NXPE3: variants seen among roughly 807,000 people sequenced by gnomAD.
NXPE3 encodes NXPE family member 3.
In NXPE3, 26 loss-of-function variants were observed where a neutral mutation model predicts 46.1. The ratio of observed to expected loss-of-function variants is 0.56; its 90% confidence interval spans 0.41 to 0.78. NXPE3 has a LOEUF of 0.78. Ranked by LOEUF, NXPE3 falls within the 30% of genes least tolerant of loss-of-function variation. NXPE3 has a pLI of 0.00. For synonymous variants in NXPE3, 272 were observed against 257.9 expected, an observed-to-expected ratio of 1.05 and a Z score of -0.52; for missense variants, 620 against 686.0, an observed-to-expected ratio of 0.90 and a Z score of 1.07.
At chr3:101,797,333 T>A (rs990035177) in intron 4 of NXPE3, among the ~76,000 whole-genome samples, 1 of 152,158 alleles carries the variant, frequency 6.6e-6, no homozygotes, top group African/African-American at 2.4e-5. Flanking sequence ...AGAACACAGG[T>A]CTTAATTCAG....
Position 101,785,602 on chromosome 3 carries a change from G to T in NXPE3, c.6G>T (p.Trp2Cys). Residue 2 changes from tryptophan (W) to cysteine (C), a missense_variant, in exon 4 of 8, where the codon TGG becomes TGT. This residue lies in a region of NXPE3 where 511 missense variants were observed against 528.6 expected (regional missense o/e 0.97). Transcript: ENST00000273347. M[W>C]TNFFKLRLFC... is the part of the protein sequence containing the mutation. ...GAACAAGACACAGCCAGACAATGTG[G>T]ACCAATTTCTTCAAACTACGGCTTT... The T allele has an allele frequency of 6.2e-7, 1 of 1,613,998 alleles. No individual in the cohort carries two copies. The highest frequency in any genetic ancestry group is 1.1e-5 in the South Asian group (1 of 91,074).
At chr3:101,807,829 G>A (rs1941494223) in intron 6 of NXPE3, among the ~76,000 whole-genome samples, 1 of 152,154 alleles carries the variant, frequency 6.6e-6, no homozygotes, top group African/African-American at 2.4e-5. Context: ...AGCATTTTAT[G>A]TAGAATTTAT....
At chr3:101,785,754 C>A in intron 4 of NXPE3, 65 bp downstream of exon 4, 2 of 1,345,058 alleles carry the variant, frequency 1.5e-6, no homozygotes, top group Non-Finnish European at 2.1e-6. Flanking sequence ...GGCTAACTAG[C>A]CTGGGAAAAC....
intron 4 of NXPE3, among the ~76,000 whole-genome samples, chr3:101,797,830 G>A (rs1940922423): frequency 2.7e-5 from 1 of 37,462 alleles, no homozygotes; most frequent in Admixed American, 3.2e-4. Context: ...ATGATTGTTG[G>A]ACATTTGGGT....
intron 4 of NXPE3, among the ~76,000 whole-genome samples, chr3:101,798,607 T>A (rs57763655): frequency 0.014 from 1,823 of 132,490 alleles, 13 homozygotes; most frequent in African/African-American, 0.024. Context: ...TATATATTTT[T>A]TTTTTTTTTC....
chr3:101,827,239 C>CGAG lies in NXPE3; in HGVS notation c.*5286_*5288dup, dbSNP rs1400838046. 16 of 152,044 alleles carry CGAG rather than the reference C, an allele frequency of 1.1e-4. No homozygotes were observed. The East Asian group carries it at 3.1e-3, about 29-fold the overall frequency. 9.4% of individuals were successfully genotyped at this position (152,044 alleles called of 1,614,324 possible). On this transcript the variant is annotated 3_prime_UTR_variant, in exon 8 of 8. Transcript: ENST00000273347. Reference sequence around the variant, plus strand: ...AAGATAACTTAAAAAAAAGTAGTACCGAGATTACAGCAGCTAGTGTCCTAA... The same window carrying CGAG: ...AAGATAACTTAAAAAAAAGTAGTACCGAGGAGATTACAGCAGCTAGTGTCCTAA...
chr3:101,820,954 A>G (rs1471458415), intron 7 of NXPE3, among the ~76,000 whole-genome samples: 1 of 152,174 alleles, frequency 6.6e-6, no homozygotes, highest in Non-Finnish European at 1.5e-5. Flanking sequence ...ATGAAATAAT[A>G]TGTGACACAT....
intron 6 of NXPE3, among the ~76,000 whole-genome samples, chr3:101,807,500 T>G (rs191612658): frequency 2.4e-4 from 37 of 152,072 alleles, no homozygotes; most frequent in Admixed American, 1.4e-3. Context: ...TTGCATTTTT[T>G]TTTTGCAGAG....
intron 4 of NXPE3, among the ~76,000 whole-genome samples, chr3:101,787,309 G>C (rs1192935649): frequency 2.0e-5 from 3 of 151,562 alleles, no homozygotes; most frequent in African/African-American, 7.3e-5. Flanking sequence ...TCCTTTTTTT[G>C]TTTGTTTGTT....
chr3:101,801,297 C>A lies in NXPE3; in HGVS notation c.156C>A (p.Ser52=). Residue 52 remains serine (S), a synonymous_variant, in exon 5 of 8, where the codon TCC becomes TCA. Transcript: ENST00000273347. ...ACAGCAGTGGACAGTTTGTTTCCTCCCAGGTGACAGGAATTAGCCGAAATC... is the reference window on the plus strand; with the variant it reads ...ACAGCAGTGGACAGTTTGTTTCCTCACAGGTGACAGGAATTAGCCGAAATC... ...FIDSSGQFVS[S]QVTGISRNPY... is the part of the protein sequence containing the mutation. 1 of 1,614,132 alleles carries A rather than the reference C, an allele frequency of 6.2e-7. No individual in the cohort carries two copies. The highest frequency in any genetic ancestry group is 8.5e-7 in the Non-Finnish European group (1 of 1,180,012).
At chr3:101,788,637 A>G (rs1391437433) in intron 4 of NXPE3, among the ~76,000 whole-genome samples, 1 of 151,610 alleles carries the variant, frequency 6.6e-6, no homozygotes, top group East Asian at 1.9e-4. Context: ...TTTTTTTGAG[A>G]CGGAGTCTTG....
At chr3:101,816,112 C>T (rs1029585659) in intron 6 of NXPE3, among the ~76,000 whole-genome samples, 5 of 151,188 alleles carry the variant, frequency 3.3e-5, no homozygotes, top group Non-Finnish European at 4.4e-5. Context: ...TGCAGTGAGC[C>T]GAGATTGTGC....
chr3:101,795,434 C>G (rs1940772012), intron 4 of NXPE3, among the ~76,000 whole-genome samples: 1 of 151,236 alleles, frequency 6.6e-6, no homozygotes, highest in Admixed American at 6.6e-5. Context: ...ATGAGAATCA[C>G]TTGAATCTGG....
rs1940130477 is a variant in NXPE3, at chr3:101,785,683, G to T, written c.87G>T (p.Gln29His). ...TGGTGCTGGTCATCAATGTTACTCAGGTAGAGGTGAGTACCCAGTATAATC... is the reference window on the plus strand; with the variant it reads ...TGGTGCTGGTCATCAATGTTACTCATGTAGAGGTGAGTACCCAGTATAATC... ...MVVVLVINVT[Q>H]VEYLDHETVS... Residue 29 changes from glutamine (Q) to histidine (H), a missense_variant, in exon 4 of 8, where the codon CAG (glutamine) becomes CAT (histidine). Transcript: ENST00000273347. 1 of 1,612,054 alleles carries T rather than the reference G, an allele frequency of 6.2e-7. No individual in the cohort carries two copies.
intron 3 of NXPE3, among the ~76,000 whole-genome samples, chr3:101,784,515 C>T (rs984360512): frequency 1.4e-4 from 21 of 152,072 alleles, no homozygotes; most frequent in African/African-American, 5.1e-4. Context: ...GTTGATGCAG[C>T]TGAGTTATTC....
intron 6 of NXPE3, among the ~76,000 whole-genome samples, chr3:101,808,440 G>A (rs1251795415): frequency 6.6e-6 from 1 of 152,074 alleles, no homozygotes; most frequent in Non-Finnish European, 1.5e-5. Context: ...TTAGCCACAA[G>A]CCTTGTATGA....
chr3:101,802,112 A>C, intron 5 of NXPE3, 123 bp downstream of exon 5: 1 of 828,636 alleles, frequency 1.2e-6, no homozygotes, highest in Non-Finnish European at 1.8e-6. Flanking sequence ...GGCCCAATAC[A>C]GAAGAGGTAG....
chr3:101,818,112 C>T (rs982881210), intron 7 of NXPE3, among the ~76,000 whole-genome samples: 29 of 152,004 alleles, frequency 1.9e-4, no homozygotes, highest in Non-Finnish European at 8.8e-5. Context: ...AGGCTAGTCT[C>T]GAATTCTCAT....
intron 6 of NXPE3, among the ~76,000 whole-genome samples, chr3:101,808,149 A>G (rs943235378): frequency 2.0e-5 from 3 of 152,196 alleles, no homozygotes; most frequent in South Asian, 2.1e-4. Flanking sequence ...AGTTTTAACA[A>G]ACTTTTCGGG....
Sources: allele counts gnomAD v4.1 joint callset (sites outside exome capture counted in the v4.1 genomes callset), GRCh38; gene constraint gnomAD v4.1.1; regional missense constraint gnomAD v4.1.1; transcripts MANE v1.5; gene names NCBI Gene and HGNC (gene_info 2026-07-23, HGNC 2026-07-21).